ITPR1: variants seen among roughly 807,000 people sequenced by gnomAD.
ITPR1 encodes inositol 1,4,5-trisphosphate-gated calcium channel ITPR1.
ITPR1 carries 96 observed loss-of-function variants against 318.4 expected under a neutral mutation model. The ratio of observed to expected loss-of-function variants is 0.30; its 90% confidence interval spans 0.26 to 0.36. The LOEUF is 0.36. ITPR1 is among the 10% of genes least tolerant of loss of function. ITPR1 has a pLI of 1.00. For missense variants in ITPR1, 2,440 were observed against 3,460.2 expected (o/e 0.71, Z 7.40); for synonymous variants, 1,312 against 1,289.9 (o/e 1.02, Z -0.37).
chr3:4,729,767 G>T (rs1301303309), intron 42 of ITPR1, among the ~76,000 whole-genome samples: 1 of 152,036 alleles, frequency 6.6e-6, no homozygotes, highest in Non-Finnish European at 1.5e-5. Flanking sequence ...TCTTTTCTCA[G>T]TCTTAGGTAA....
At position 4,665,327 on chromosome 3, in the gene ITPR1, G is replaced by T. The variant is rs755942067; in HGVS notation, c.1713+31G>T. On this transcript the variant is annotated intron_variant, in intron 17 of 61. Transcript: ENST00000649015. ...GATTAAGCATTGGTGGGATGTGGTT[G>T]TCAGTTTCCTCCCTGAAGTTTGTGA... 37 of 1,581,880 alleles carry T rather than the reference G, an allele frequency of 2.3e-5. No individual in the cohort carries two copies. The East Asian group carries it at 7.9e-4, about 34-fold the overall frequency.
intron 40 of ITPR1, 122 bp downstream of exon 40, chr3:4,717,521 G>A (rs948482888): frequency 1.3e-5 from 11 of 840,714 alleles, no homozygotes; most frequent in Non-Finnish European, 2.0e-5. Context: ...TTTGTGTGGT[G>A]TGCCCTCTGG....
intron 2 of ITPR1, among the ~76,000 whole-genome samples, chr3:4,502,559 G>C (rs1024771768): frequency 6.6e-6 from 1 of 151,748 alleles, no homozygotes; most frequent in Non-Finnish European, 1.5e-5. Context: ...TCCTGCCTCA[G>C]CCTCCTGAGT....
At chr3:4,629,453 G>A (rs2092945594) in intron 5 of ITPR1, among the ~76,000 whole-genome samples, 1 of 152,096 alleles carries the variant, frequency 6.6e-6, no homozygotes, top group Non-Finnish European at 1.5e-5. Flanking sequence ...ACTGATCAGG[G>A]TCTGCAATTA....
At chr3:4,782,783 C>T (rs755962733) in intron 50 of ITPR1, 42 bp downstream of exon 50, 2 of 1,417,416 alleles carry the variant, frequency 1.4e-6, no homozygotes, top group Non-Finnish European at 1.9e-6. Context: ...TGCCTCCCTA[C>T]AGGTCCAAAA....
chr3:4,621,869 G>C (rs2092649271), intron 4 of ITPR1, among the ~76,000 whole-genome samples: 1 of 152,184 alleles, frequency 6.6e-6, no homozygotes, highest in South Asian at 2.1e-4. Flanking sequence ...GCAACTCCAA[G>C]TTCAGATGCC....
At chr3:4,672,593 A>G (rs999613446) in intron 20 of ITPR1, among the ~76,000 whole-genome samples, 2 of 152,214 alleles carry the variant, frequency 1.3e-5, no homozygotes, top group Admixed American at 6.5e-5. Flanking sequence ...TTCACTTGCA[A>G]TTGGATGAAG....
intron 53 of ITPR1, among the ~76,000 whole-genome samples, 179 bp downstream of exon 53, chr3:4,795,366 A>AT (rs1232527176): frequency 6.6e-6 from 1 of 152,238 alleles, no homozygotes; most frequent in Non-Finnish European, 1.5e-5. Flanking sequence ...ACTTAAAATA[A>AT]TTTAACTTTT....
chr3:4,693,046 C>T, intron 32 of ITPR1, among the ~76,000 whole-genome samples: 1 of 152,164 alleles, frequency 6.6e-6, no homozygotes, highest in Non-Finnish European at 1.5e-5. Flanking sequence ...CTTGAACCAA[C>T]CTGGGAGGCG....
intron 2 of ITPR1, among the ~76,000 whole-genome samples, chr3:4,513,276 C>T (rs1373219452): frequency 6.6e-6 from 1 of 152,224 alleles, no homozygotes; most frequent in South Asian, 2.1e-4. Flanking sequence ...CCTTCCAGGA[C>T]ATCACTGATA....
intron 45 of ITPR1, among the ~76,000 whole-genome samples, chr3:4,767,166 G>C (rs1383279526): frequency 6.6e-6 from 1 of 152,254 alleles, no homozygotes; most frequent in Non-Finnish European, 1.5e-5. Flanking sequence ...GTTGGAGTCA[G>C]ATGGTCTTGA....
chr3:4,647,461 T>A (rs1012792483), intron 10 of ITPR1, among the ~76,000 whole-genome samples: 1 of 152,170 alleles, frequency 6.6e-6, no homozygotes, highest in Non-Finnish European at 1.5e-5. Flanking sequence ...TGGTATGGTA[T>A]GGTATGGCAT....
intron 4 of ITPR1, among the ~76,000 whole-genome samples, chr3:4,566,536 G>T (rs889432912): frequency 6.6e-6 from 1 of 151,478 alleles, no homozygotes; most frequent in African/African-American, 2.4e-5. Context: ...TTGAGAGCCA[G>T]GTCAGAGTTG....
At chr3:4,662,970 T>C in intron 15 of ITPR1, 95 bp from the exon 16 acceptor site, 1 of 1,101,980 alleles carries the variant, frequency 9.1e-7, no homozygotes, top group East Asian at 2.4e-5. Context: ...TGCCCCTGTT[T>C]AACTGGCTCA....
chr3:4,626,342 A>G (rs1444019208), intron 4 of ITPR1, among the ~76,000 whole-genome samples: 4 of 152,176 alleles, frequency 2.6e-5, no homozygotes, highest in Admixed American at 2.6e-4. Flanking sequence ...ATGGTTTCAT[A>G]TTATCATTAA....
intron 55 of ITPR1, among the ~76,000 whole-genome samples, chr3:4,806,533 A>G (rs2048565615): frequency 6.6e-6 from 1 of 152,230 alleles, no homozygotes; most frequent in Non-Finnish European, 1.5e-5. Context: ...ACATGCCTGT[A>G]GTAGGTTCAG....
intron 44 of ITPR1, among the ~76,000 whole-genome samples, chr3:4,765,641 C>A (rs2045768998): frequency 6.6e-6 from 1 of 151,804 alleles, no homozygotes. Flanking sequence ...CTGGAAGAAG[C>A]AAATATATTG....
chr3:4,502,332 A>G (rs1401047055), intron 2 of ITPR1, among the ~76,000 whole-genome samples: 1 of 152,160 alleles, frequency 6.6e-6, no homozygotes, highest in Non-Finnish European at 1.5e-5. Context: ...TGTTTTTTTA[A>G]CTCATAAGAA....
At chr3:4,814,656 G>A (rs924329799) in intron 58 of ITPR1, 94 bp downstream of exon 58, 32 of 1,158,304 alleles carry the variant, frequency 2.8e-5, no homozygotes, top group East Asian at 1.3e-4. Context: ...AACTGAAGAC[G>A]CAGAGGAAGA....
Sources: allele counts gnomAD v4.1 joint callset (sites outside exome capture counted in the v4.1 genomes callset), GRCh38; gene constraint gnomAD v4.1.1; transcripts MANE v1.5; gene names NCBI Gene and HGNC (gene_info 2026-07-23, HGNC 2026-07-21).